The following KANK1 variants were observed in gnomAD, a reference collection of about 807,000 sequenced individuals.
The protein encoded by KANK1 is KN motif and ankyrin repeat domains 1, also known as KN motif and ankyrin repeat domain-containing protein 1.
KANK1 carries 109 observed loss-of-function variants against 106.2 expected under a neutral mutation model. The ratio of observed to expected loss-of-function variants is 1.03; its 90% CI spans 0.88 to 1.20. The LOEUF (loss-of-function observed/expected upper bound fraction) is 1.20, where lower values mean the gene tolerates loss of function less well. Ranked by LOEUF, KANK1 falls within the 50% of genes most tolerant of loss-of-function variation. The pLI is 0.00. For missense variants in KANK1, 2,399 were observed against 1,710.7 expected, an observed-to-expected ratio of 1.40 and a Z score of -7.10; for synonymous variants, 873 against 652.2, an observed-to-expected ratio of 1.34 and a Z score of -5.16.
intron 1 of KANK1, among the ~76,000 whole-genome samples, chr9:653,795 C>A (rs9407335): frequency 0.17 from 25,804 of 152,186 alleles, 2,415 homozygotes; most frequent in East Asian, 0.31. Flanking sequence ...AGGATAGCAA[C>A]TAGGAAGATG....
chr9:531,528 T>G (rs2060054018), intron 1 of KANK1, among the ~76,000 whole-genome samples: 1 of 152,160 alleles, frequency 6.6e-6, no homozygotes. Flanking sequence ...ATTAAATAGG[T>G]CAACAATTGC....
chr9:676,340 A>C lies in KANK1; in HGVS notation c.-83-550A>C, dbSNP rs10975733. On this transcript the variant is annotated intron_variant, in intron 1 of 11. Transcript: ENST00000382297. ...GTGGGAGATAATGAATTTTTGTTTA[A>C]GAGGAGGAGGACTGACTGGATCAGA... Among the ~76,000 whole-genome samples, 934 of 152,302 alleles carry C rather than the reference A, an allele frequency of 6.1e-3. 14 individuals are homozygous for C. Among genetic ancestry groups the C allele is most frequent in the African/African-American group, 0.022 (911 of 41,552 alleles).
chr9:729,871 G>GC (rs1471509711), intron 3 of KANK1, among the ~76,000 whole-genome samples, 180 bp from the exon 4 acceptor site: 6 of 152,146 alleles, frequency 3.9e-5, no homozygotes, highest in Non-Finnish European at 8.8e-5. Context: ...GAATGACGAG[G>GC]CCCGGCAGTC....
At chr9:523,068 T>G (rs890588325) in intron 1 of KANK1, among the ~76,000 whole-genome samples, 3 of 151,746 alleles carry the variant, frequency 2.0e-5, no homozygotes, top group African/African-American at 7.3e-5. Flanking sequence ...CTCATGGCTT[T>G]AAGTGTGGTT....
At chr9:495,066 AT>A (rs2058436859) in intron 3 of KANK1, among the ~76,000 whole-genome samples, 1 of 152,232 alleles carries the variant, frequency 6.6e-6, no homozygotes. Context: ...ACTTTCTAGA[AT>A]TCTGTGTGTT....
intron 1 of KANK1, among the ~76,000 whole-genome samples, chr9:630,893 T>G (rs1588412192): frequency 6.6e-6 from 1 of 151,290 alleles, no homozygotes; most frequent in African/African-American, 2.5e-5. Flanking sequence ...ATGTAGAGGT[T>G]GTAATGAGCC....
chr9:643,320 G>T (rs922462906), intron 1 of KANK1, among the ~76,000 whole-genome samples: 2 of 150,672 alleles, frequency 1.3e-5, no homozygotes, highest in African/African-American at 5.0e-5. Flanking sequence ...TGTAGTTATT[G>T]TTTTAAGATC....
intron 3 of KANK1, among the ~76,000 whole-genome samples, chr9:716,154 A>C (rs1241455041): frequency 1.3e-5 from 2 of 152,220 alleles, no homozygotes; most frequent in African/African-American, 4.8e-5. Flanking sequence ...AACCTAACAC[A>C]GTATTCTAAT....
In KANK1 at chr9:711,835, G is replaced by C. The variant is rs756738968; in HGVS notation, c.1069G>C (p.Val357Leu). 24 of 1,614,054 alleles carry C rather than the reference G, an allele frequency of 1.5e-5. No homozygotes were observed. In the African/African-American group the frequency reaches 2.0e-4, roughly 13 times the overall value. Reference protein sequence around the residue: ...IDYEEEEMETVEQSTQRIKEF... With the variant: ...IDYEEEEMETLEQSTQRIKEF... ...CTATGAGGAGGAAGAAATGGAGACC[G>C]TAGAACAGAGCACGCAGAGGATAAA... The change falls in exon 3 of 12, where the codon GTA becomes CTA. Residue 357 changes from valine to leucine, a missense_variant. Transcript: ENST00000382297.
chr9:603,748 G>C (rs994778540), intron 1 of KANK1, among the ~76,000 whole-genome samples: 1 of 151,510 alleles, frequency 6.6e-6, no homozygotes, highest in African/African-American at 2.4e-5. Context: ...CTGAGGTCTG[G>C]AGTCCGAGAC....
rs985256082 is a variant in KANK1 at position 687,140 on chromosome 9, A to G, written c.37+10131A>G. Among the ~76,000 whole-genome samples the G allele has an allele frequency of 8.5e-5, 13 of 152,192 alleles. No homozygotes were observed. The Middle Eastern group carries it at 0.01, about 119-fold the overall frequency. ...ATACTTCAATTCAGTGAGTTCATTC[A>G]TTCAGTGGCTCACTTTTAAATGACC... On this transcript the variant is annotated intron_variant, in intron 2 of 11. Coordinates refer to ENST00000382297, the MANE Select transcript of KANK1 (RefSeq NM_015158.5).
At chr9:725,892 T>G (rs1246708898) in intron 3 of KANK1, among the ~76,000 whole-genome samples, 1 of 152,212 alleles carries the variant, frequency 6.6e-6, no homozygotes, top group Non-Finnish European at 1.5e-5. Flanking sequence ...GATAAAGTTG[T>G]GATCACCTGA....
chr9:676,077 T>C (rs1351768158), intron 1 of KANK1, among the ~76,000 whole-genome samples: 1 of 152,186 alleles, frequency 6.6e-6, no homozygotes, highest in East Asian at 1.9e-4. Flanking sequence ...CACTTTCATC[T>C]CCATCTTGGT....
chr9:584,879 A>G (rs990129353), intron 1 of KANK1, among the ~76,000 whole-genome samples: 2 of 152,172 alleles, frequency 1.3e-5, no homozygotes, highest in African/African-American at 4.8e-5. Flanking sequence ...TTGAGAGCCA[A>G]AGTTCTTGGC....
At chr9:734,865 G>T in intron 7 of KANK1, 30 bp downstream of exon 7, 1 of 1,529,664 alleles carries the variant, frequency 6.5e-7, no homozygotes, top group Non-Finnish European at 9.1e-7. Flanking sequence ...ACCATCCCCA[G>T]TGTGTACAAA....
chr9:688,065 T>G (rs753323305), intron 2 of KANK1, among the ~76,000 whole-genome samples: 40 of 152,174 alleles, frequency 2.6e-4, no homozygotes, highest in Admixed American at 2.2e-3. Context: ...GCCTAAGAAT[T>G]TGTGGGCCTG....
At chr9:561,991 A>G (rs1816574287) in intron 1 of KANK1, among the ~76,000 whole-genome samples, 1 of 149,792 alleles carries the variant, frequency 6.7e-6, no homozygotes. Context: ...CAGATTAACC[A>G]TTTTATAACT....
chr9:566,983 A>G (rs909311549), intron 1 of KANK1, among the ~76,000 whole-genome samples: 1 of 152,056 alleles, frequency 6.6e-6, no homozygotes, highest in African/African-American at 2.4e-5. Flanking sequence ...TGAGTATTAC[A>G]TTTAAGTTTT....
At chr9:549,420 A>G (rs1331961506) in intron 1 of KANK1, 1 of 152,294 alleles carries the variant, frequency 6.6e-6, no homozygotes, top group Non-Finnish European at 1.5e-5. Flanking sequence ...GGATTGGTTC[A>G]TGGCAGGATA....
Sources: allele counts gnomAD v4.1 joint callset (sites outside exome capture counted in the v4.1 genomes callset), GRCh38; gene constraint gnomAD v4.1.1; transcripts MANE v1.5; gene names NCBI Gene and HGNC (gene_info 2026-07-23, HGNC 2026-07-21).